Variants in LRRN4 observed in about 807,000 individuals in gnomAD.
The protein encoded by LRRN4 is leucine-rich repeat neuronal protein 4.
Under a neutral mutation model 22.3 loss-of-function variants are expected in LRRN4, and 26 were observed. The observed-to-expected ratio is 1.16, with a 90% confidence interval of 0.85 to 1.62. LRRN4 has a LOEUF of 1.62. Ranked by LOEUF, LRRN4 falls within the 40% of genes most tolerant of loss-of-function variation. The pLI is 0.00. For missense variants in LRRN4, 1,070 were observed against 1,008.5 expected (o/e 1.06, Z -0.83); for synonymous variants, 496 against 486.2 (o/e 1.02, Z -0.26).
intron 3 of LRRN4, among the ~76,000 whole-genome samples, chr20:6,049,002 A>T (rs1257194790): frequency 6.6e-6 from 1 of 152,192 alleles, no homozygotes; most frequent in Non-Finnish European, 1.5e-5. Flanking sequence ...AGAGGGAGGA[A>T]ATAAACAATA....
At chr20:6,042,689 G>C (rs6053841) in intron 4 of LRRN4, among the ~76,000 whole-genome samples, 1 of 152,080 alleles carries the variant, frequency 6.6e-6, no homozygotes, top group Admixed American at 6.5e-5. Context: ...GGGAAGCTGA[G>C]GCGGGCAGAT....
In LRRN4 at chr20:6,052,379, T is replaced by A. The variant is rs1884643; in HGVS notation, c.421A>T (p.Thr141Ser). ...CGGAGGCTGCTCAGCGCGGGCCCGG[T>A]GCACGGCGGCAGAGCGGCCAGCTGG... The part of the protein sequence containing the change: ...YNQLAALPPC[T>S]GPALSSLRAL... Residue 141 changes from threonine (T) to serine (S), a missense_variant, in exon 2 of 5, where the codon ACC becomes TCC. Physicochemically the swap from Thr to Ser is moderately conservative, Grantham distance 58. Coordinates refer to ENST00000378858, the MANE Select transcript of LRRN4 (RefSeq NM_152611.5). 9 of 1,521,544 alleles carry A rather than the reference T, an allele frequency of 5.9e-6. 1 individual carries two copies. In the African/African-American group the frequency reaches 1.0e-4, roughly 17 times the overall value. 94.3% of individuals were successfully genotyped at this position (1,521,544 alleles called of 1,614,324 possible).
chr20:6,046,421 C>A (rs1051717172), intron 3 of LRRN4, among the ~76,000 whole-genome samples: 2 of 148,626 alleles, frequency 1.3e-5, no homozygotes, highest in African/African-American at 4.9e-5. Context: ...GTCTACCATA[C>A]CTAGCAATGG....
At position 6,041,046 on chromosome 20, in the gene LRRN4, C is replaced by G; in HGVS notation, c.2199G>C (p.Pro733=). 6.2e-7 allele frequency: 1 copy of G among 1,613,988 alleles called. No individual in the cohort carries two copies. Residue 733 remains proline (P), a synonymous_variant, in exon 5 of 5, where the codon CCG becomes CCC. Coordinates refer to ENST00000378858, the MANE Select transcript of LRRN4 (RefSeq NM_152611.5). This position sits in a 1 kb window ranked among gnomAD's most constrained non-coding sequence, Gnocchi z 9.4. ...AYKNPAFDDY[P]LGLQTVS Reference sequence around the variant, plus strand: ...GCTAACTGACGGTCTGGAGCCCCAGCGGGTAATCATCAAAGGCCGGGTTTT... The same window carrying G: ...GCTAACTGACGGTCTGGAGCCCCAGGGGGTAATCATCAAAGGCCGGGTTTT...
rs1188232722 is a variant in LRRN4, at chr20:6,044,580, A to G, written c.961T>C (p.Trp321Arg). ...GTTCTCTTTGCATCCGTGAGGAGCC[A>G]AGACAAGTCACAACTGCAAGTGAGG... ...NPLTCSCDLSWLLTDAKRTVL... is the reference protein window; with the variant it reads ...NPLTCSCDLSRLLTDAKRTVL... Residue 321 changes from tryptophan (W) to arginine (R), a missense_variant, in exon 4 of 5, where the codon TGG becomes CGG. Physicochemically the swap from Trp to Arg is moderately radical, Grantham distance 101. Coordinates refer to ENST00000378858, the MANE Select transcript of LRRN4 (RefSeq NM_152611.5). The G allele has an allele frequency of 6.3e-7, 1 of 1,592,932 alleles. No homozygotes were observed. The highest frequency in any genetic ancestry group is 1.3e-5 in the African/African-American group (1 of 74,402).
chr20:6,042,089 C>G lies in LRRN4; in HGVS notation c.1156G>C (p.Gly386Arg), dbSNP rs369964130. ...PCFNRSTYAQ[G>R]TTVAPSAAPA... ...GCTGCGCTGGGCGCGACGGTGGTAC[C>G]CTGTGCGTAGGTGGAGCGGTTGAAG... Residue 386 changes from glycine to arginine, a missense_variant, in exon 5 of 5, where the codon GGT becomes CGT. Physicochemically the swap from Gly to Arg is moderately radical, Grantham distance 125. Transcript: ENST00000378858. 29 of 1,614,112 alleles carry G rather than the reference C, an allele frequency of 1.8e-5. No individual in the cohort carries two copies. In the African/African-American group the frequency reaches 2.8e-4, roughly 16 times the overall value.
chr20:6,042,063 G>A lies in LRRN4; in HGVS notation c.1182C>T (p.Ala394=), dbSNP rs1013498100. Residue 394 remains alanine, a synonymous_variant, in exon 5 of 5, where the codon GCC becomes GCT. Transcript: ENST00000378858. ...AQGTTVAPSA[A]PATRPAGDQQ... is the part of the protein sequence containing the mutation. Reference sequence around the variant, plus strand: ...GGTCTCCCGCAGGCCGGGTGGCGGGGGCTGCGCTGGGCGCGACGGTGGTAC... The same window carrying A: ...GGTCTCCCGCAGGCCGGGTGGCGGGAGCTGCGCTGGGCGCGACGGTGGTAC... 3 of 1,614,010 alleles carry A rather than the reference G, an allele frequency of 1.9e-6. No individual in the cohort carries two copies. The highest frequency in any genetic ancestry group is 2.5e-6 in the Non-Finnish European group (3 of 1,179,958).
In LRRN4 at chr20:6,042,743, A is replaced by AC. The variant is rs547295694; in HGVS notation, c.999-498dup. Among the ~76,000 whole-genome samples the AC allele has an allele frequency of 5.5e-4, 83 of 151,820 alleles. 1 individual carries two copies. The highest frequency in any genetic ancestry group is 2.0e-3 in the African/African-American group (82 of 41,370). On this transcript the variant is annotated intron_variant, in intron 4 of 4. Coordinates refer to ENST00000378858, the MANE Select transcript of LRRN4 (RefSeq NM_152611.5). The stretch of plus-strand genomic sequence containing the variant: ...AGACCATCCTGGCTAAGACGGTGAA[A>AC]CCCCCTCCCTACTAAAAATACAAAA...
At chr20:6,045,237 G>A (rs1013266649) in intron 3 of LRRN4, among the ~76,000 whole-genome samples, 3 of 148,260 alleles carry the variant, frequency 2.0e-5, no homozygotes, top group African/African-American at 4.9e-5. Context: ...TTAGGAGTTC[G>A]AGACCAGCCT....
chr20:6,048,710 C>T (rs1382055926), intron 3 of LRRN4, among the ~76,000 whole-genome samples: 3 of 152,152 alleles, frequency 2.0e-5, no homozygotes, highest in Non-Finnish European at 4.4e-5. Flanking sequence ...CCCCTGGATG[C>T]CTCATAGATC....
intron 4 of LRRN4, among the ~76,000 whole-genome samples, chr20:6,044,263 G>A (rs1981047944): frequency 6.6e-6 from 1 of 152,184 alleles, no homozygotes; most frequent in African/African-American, 2.4e-5. Flanking sequence ...TGTGGCTCCT[G>A]GCTAATGAAT....
rs550902594 is a variant in LRRN4, at chr20:6,043,848, T to A, written c.998+695A>T. Among the ~76,000 whole-genome samples, 27 of 151,700 alleles carry A rather than the reference T, an allele frequency of 1.8e-4. No homozygotes were observed. In the East Asian group the frequency reaches 5.1e-3, roughly 29 times the overall value. ...CGCTGAGCCCAGGAGGTTGAGGCTG[T>A]AATGAGATATGATTGTACCACTGCA... is the stretch of plus-strand genomic sequence containing the variant. On this transcript the variant is annotated intron_variant, in intron 4 of 4. Transcript: ENST00000378858.
chr20:6,046,749 C>T (rs1271263722), intron 3 of LRRN4, among the ~76,000 whole-genome samples: 1 of 148,904 alleles, frequency 6.7e-6, no homozygotes, highest in Admixed American at 6.7e-5. Context: ...ACAGTCACCC[C>T]TGGGACACCA....
rs1980948846 is a variant in LRRN4, at chr20:6,041,556, C to T, written c.1689G>A (p.Gln563=). The change falls in exon 5 of 5, where the codon CAG becomes CAA. Residue 563 remains glutamine, a synonymous_variant. Coordinates refer to ENST00000378858, the MANE Select transcript of LRRN4 (RefSeq NM_152611.5). The surrounding 1 kb of genome is among the most constrained non-coding windows in gnomAD (Gnocchi z 9.4). The part of the protein sequence containing the change: ...KHLQTPCAEL[Q]RRWRCRCPGL... ...CGGGGCACCGGCACCGCCACCGCCT[C>T]TGCAGCTCCGCGCACGGGGTCTGCA... The T allele has an allele frequency of 6.4e-7, 1 of 1,554,430 alleles. No homozygotes were observed. The highest frequency in any genetic ancestry group is 8.7e-7 in the Non-Finnish European group (1 of 1,148,782).
intron 1 of LRRN4, 46 bp from the exon 2 acceptor site, chr20:6,052,850 C>T (rs763742039): frequency 6.0e-6 from 9 of 1,498,926 alleles, no homozygotes; most frequent in Non-Finnish European, 8.0e-6. Context: ...CAGGAACCCC[C>T]GCACAAAGAG....
At position 6,041,668 on chromosome 20, in the gene LRRN4, T is replaced by G. The variant is rs1980955737; in HGVS notation, c.1577A>C (p.Asp526Ala). 1 of 1,611,800 alleles carries G rather than the reference T, an allele frequency of 6.2e-7. No individual in the cohort carries two copies. Among genetic ancestry groups the G allele is most frequent in the Admixed American group, 1.7e-5 (1 of 59,886 alleles). The change falls in exon 5 of 5, where the codon GAC (aspartate) becomes GCC (alanine). Residue 526 changes from aspartate (D) to alanine (A), a missense_variant. By Grantham distance (126) the Asp-to-Ala change is moderately radical (BLOSUM62 -2). Transcript: ENST00000378858. The surrounding 1 kb of genome is among the most constrained non-coding windows in gnomAD (Gnocchi z 9.4). ...CCTCCCTTCCTCCTCCTCACTGTAG[T>G]CGTCCAGCAGCAAGACTGGAATCTC... Reference protein sequence around the residue: ...EGEIPVLLLDDYSEEEEGRKE... With the variant: ...EGEIPVLLLDAYSEEEEGRKE...
rs780309801 is a variant in LRRN4, at chr20:6,042,097, T to G, written c.1148A>C (p.Tyr383Ser). 6.2e-7 allele frequency: 1 copy of G among 1,614,024 alleles called. No homozygotes were observed. The highest frequency in any genetic ancestry group is 8.5e-7 in the Non-Finnish European group (1 of 1,179,968). The change falls in exon 5 of 5, where the codon TAC becomes TCC. Residue 383 changes from tyrosine to serine, a missense_variant. Transcript: ENST00000378858. ...SHPPCFNRSTYAQGTTVAPSA... is the reference protein window; with the variant it reads ...SHPPCFNRSTSAQGTTVAPSA... ...GGGCGCGACGGTGGTACCCTGTGCG[T>G]AGGTGGAGCGGTTGAAGCAAGGTGG...
In LRRN4 at chr20:6,052,136, C is replaced by G; in HGVS notation, c.655+9G>C. ...AGGCCGGCTGAAAACGCGGGGCGCC[C>G]GGACTCACCCCGTTCAAGGAACGTG... is the stretch of plus-strand genomic sequence containing the variant. On this transcript the variant is annotated intron_variant, in intron 2 of 4. Coordinates refer to ENST00000378858, the MANE Select transcript of LRRN4 (RefSeq NM_152611.5). The G allele has an allele frequency of 6.3e-7, 1 of 1,582,880 alleles. No individual in the cohort carries two copies.
At chr20:6,047,152 T>A (rs1048844119) in intron 3 of LRRN4, among the ~76,000 whole-genome samples, 1 of 152,144 alleles carries the variant, frequency 6.6e-6, no homozygotes, top group Non-Finnish European at 1.5e-5. Context: ...CTACACGTGA[T>A]GAAGTCCCAC....
Sources: allele counts gnomAD v4.1 joint callset (sites outside exome capture counted in the v4.1 genomes callset), GRCh38; gene constraint gnomAD v4.1.1; non-coding constraint Gnocchi (gnomAD v3.1); transcripts MANE v1.5; gene names NCBI Gene and HGNC (gene_info 2026-07-23, HGNC 2026-07-21).